DGKI: variants seen among roughly 807,000 people sequenced by gnomAD.
The protein encoded by DGKI is diacylglycerol kinase iota, also known as DAG kinase iota.
Under a neutral mutation model 147.5 loss-of-function variants are expected in DGKI, and 55 were observed. That is an observed-to-expected ratio of 0.37 (90% CI 0.30 to 0.47). The LOEUF (loss-of-function observed/expected upper bound fraction) is 0.47, where lower values mean the gene tolerates loss of function less well. Among genes scored for constraint, DGKI ranks in the 20% least tolerant of loss-of-function variants. DGKI has a pLI of 1.00. For synonymous variants in DGKI, 469 were observed against 477.1 expected (o/e 0.98, Z 0.22); for missense variants, 1,007 against 1,323.8 (o/e 0.76, Z 3.71).
chr7:137,589,291 C>T (rs944940787), intron 12 of DGKI, among the ~76,000 whole-genome samples: 1 of 152,160 alleles, frequency 6.6e-6, no homozygotes, highest in Admixed American at 6.5e-5. Flanking sequence ...GGTGACTTAC[C>T]AGGATGTAAA....
At chr7:137,678,694 A>T in intron 2 of DGKI, 42 bp from the exon 3 acceptor site, 2 of 1,545,070 alleles carry the variant, frequency 1.3e-6, no homozygotes, top group Non-Finnish European at 1.8e-6. Flanking sequence ...TTTTTTTTCC[A>T]GGGATAAGGA....
intron 28 of DGKI, among the ~76,000 whole-genome samples, chr7:137,430,436 G>A (rs1813020181): frequency 6.6e-6 from 1 of 151,046 alleles, no homozygotes; most frequent in Non-Finnish European, 1.5e-5. Flanking sequence ...GATGGCATTA[G>A]GAGATATACC....
At chr7:137,682,823 A>G (rs1321757218) in intron 2 of DGKI, among the ~76,000 whole-genome samples, 3 of 152,156 alleles carry the variant, frequency 2.0e-5, no homozygotes, top group African/African-American at 7.2e-5. Flanking sequence ...TTGGGAAGTC[A>G]GGCTTTTGGA....
chr7:137,435,384 G>A (rs1181728280), intron 28 of DGKI, among the ~76,000 whole-genome samples: 4 of 152,122 alleles, frequency 2.6e-5, no homozygotes, highest in African/African-American at 7.2e-5. Flanking sequence ...TCCAAGACAC[G>A]GAAATTAATG....
rs1811088650 is a variant in DGKI, at chr7:137,382,730, T to A, written c.*8490A>T. ...TTTCCTTTCCTCACAACTCTGCCCC[T>A]CTTTTATGCCCCCAAACCAGAGGCA... is the stretch of plus-strand genomic sequence containing the variant. On this transcript the variant is annotated 3_prime_UTR_variant, in exon 33 of 33. Coordinates refer to ENST00000614521, the MANE Select transcript of DGKI (RefSeq NM_001321708.2). 1 of 152,048 alleles carries A rather than the reference T, an allele frequency of 6.6e-6. No homozygotes were observed. The highest frequency in any genetic ancestry group is 6.6e-5 in the Admixed American group (1 of 15,248). 9.4% of individuals were successfully genotyped at this position (152,048 alleles called of 1,614,324 possible).
At chr7:137,767,466 A>G (rs796652587) in intron 1 of DGKI, among the ~76,000 whole-genome samples, 1 of 135,538 alleles carries the variant, frequency 7.4e-6, no homozygotes, top group Non-Finnish European at 1.6e-5. Flanking sequence ...AAAAGAGAAG[A>G]GAAGGGAAGA....
At chr7:137,819,356 G>C (rs1797828809) in intron 1 of DGKI, among the ~76,000 whole-genome samples, 1 of 148,916 alleles carries the variant, frequency 6.7e-6, no homozygotes, top group African/African-American at 2.5e-5. Flanking sequence ...CTGTCGCCCA[G>C]GCTGGAGTGC....
chr7:137,673,954 GAATA>G (rs1822941210), intron 3 of DGKI, among the ~76,000 whole-genome samples: 1 of 152,122 alleles, frequency 6.6e-6, no homozygotes, highest in Admixed American at 6.6e-5. Flanking sequence ...AACACTGACA[GAATA>G]AATGAATGAA....
At chr7:137,826,737 C>T (rs946807002) in intron 1 of DGKI, among the ~76,000 whole-genome samples, 15 of 152,046 alleles carry the variant, frequency 9.9e-5, no homozygotes, top group African/African-American at 3.6e-4. Flanking sequence ...CGGGGGCAGG[C>T]GAGTTTATCC....
intron 2 of DGKI, among the ~76,000 whole-genome samples, chr7:137,679,752 C>CCGAGGTGG (rs1287086199): frequency 6.6e-6 from 1 of 151,810 alleles, no homozygotes; most frequent in East Asian, 1.9e-4. Context: ...CTTTGGGAGG[C>CCGAGGTGG]CGAGGTGGGC....
At chr7:137,534,810 T>C (rs770536974) in intron 20 of DGKI, among the ~76,000 whole-genome samples, 2 of 152,146 alleles carry the variant, frequency 1.3e-5, no homozygotes, top group Non-Finnish European at 2.9e-5. Flanking sequence ...ATTGGTAAGT[T>C]GAAGTTCTAA....
chr7:137,807,852 ACCTGCCT>A (rs1797429688), intron 1 of DGKI, among the ~76,000 whole-genome samples: 1 of 152,090 alleles, frequency 6.6e-6, no homozygotes, highest in Admixed American at 6.5e-5. Context: ...CCAGACTCTC[ACCTGCCT>A]GCCTGTCCCC....
chr7:137,587,189 G>T lies in DGKI; in HGVS notation c.1333C>A (p.Leu445Met). The T allele has an allele frequency of 1.2e-6, 2 of 1,612,514 alleles. No individual in the cohort carries two copies. The highest frequency in any genetic ancestry group is 1.7e-6 in the Non-Finnish European group (2 of 1,179,484). The change falls in exon 13 of 33, where the codon CTG becomes ATG. Residue 445 changes from leucine to methionine, a missense_variant. Physicochemically the swap from Leu to Met is conservative, Grantham distance 15. Around this residue, in one of 5 missense-constraint regions of DGKI, gnomAD observed 224 missense variants for 382.7 expected, o/e 0.59. Coordinates refer to ENST00000614521, the MANE Select transcript of DGKI (RefSeq NM_001321708.2). ...TGAGGGCTCAGCTGCAGTTCATCCA[G>T]GATGGAAAGGATCCAGCCCACCTAC... ...DGTVGWILSI[L>M]DELQLSPQPP...
At chr7:137,422,697 C>T (rs983750382) in intron 28 of DGKI, among the ~76,000 whole-genome samples, 14 of 143,930 alleles carry the variant, frequency 9.7e-5, no homozygotes, top group South Asian at 2.4e-4. Flanking sequence ...CTCTGCCTCC[C>T]GGGTTCACGC....
chr7:137,827,064 C>A, intron 1 of DGKI, among the ~76,000 whole-genome samples: 1 of 152,088 alleles, frequency 6.6e-6, no homozygotes, highest in Non-Finnish European at 1.5e-5. Context: ...GAACAGGGGT[C>A]CCCCTTCCTT....
intron 32 of DGKI, 38 bp from the exon 33 acceptor site, chr7:137,391,374 GAGAT>G: frequency 7.2e-7 from 1 of 1,380,670 alleles, no homozygotes; most frequent in Non-Finnish European, 9.9e-7. Context: ...AAGAGAGAGA[GAGAT>G]AGACACAAGC....
At chr7:137,828,803 A>C (rs963778695) in intron 1 of DGKI, among the ~76,000 whole-genome samples, 2 of 152,234 alleles carry the variant, frequency 1.3e-5, no homozygotes, top group Admixed American at 6.5e-5. Flanking sequence ...GTATAAGTCC[A>C]TGCATTTACT....
rs1027778776 is a variant in DGKI at position 137,682,282 on chromosome 7, C to T, written c.511-3630G>A. On this transcript the variant is annotated intron_variant, in intron 2 of 32. Transcript: ENST00000614521. ...TAGACAAATGAACTATTTTTGTTTT[C>T]TTCCTACAATTCTCAGGAACCCGTC... is the stretch of plus-strand genomic sequence containing the variant. Among the ~76,000 whole-genome samples the T allele has an allele frequency of 2.6e-5, 4 of 152,102 alleles. No homozygotes were observed. The East Asian group carries it at 7.7e-4, about 29-fold the overall frequency.
At chr7:137,828,064 C>G (rs1259176880) in intron 1 of DGKI, among the ~76,000 whole-genome samples, 2 of 152,206 alleles carry the variant, frequency 1.3e-5, no homozygotes, top group Non-Finnish European at 2.9e-5. Context: ...ACCGCCCGCT[C>G]TCTTTGTATT....
Sources: allele counts gnomAD v4.1 joint callset (sites outside exome capture counted in the v4.1 genomes callset), GRCh38; gene constraint gnomAD v4.1.1; regional missense constraint gnomAD v4.1.1; transcripts MANE v1.5; gene names NCBI Gene and HGNC (gene_info 2026-07-23, HGNC 2026-07-21).